PCDHAC2: variants seen among roughly 807,000 people sequenced by gnomAD.
PCDHAC2 encodes the protein protocadherin alpha-C2.
In PCDHAC2, 24 loss-of-function variants were observed where a neutral mutation model predicts 63.3. The observed-to-expected ratio is 0.38, with a 90% CI of 0.27 to 0.53. The LOEUF is 0.53. Ranked by LOEUF, PCDHAC2 falls within the 20% of genes least tolerant of loss-of-function variation. PCDHAC2 has a pLI of 0.81. For synonymous variants in PCDHAC2, 569 were observed against 529.4 expected (o/e 1.07, Z -1.03); for missense variants, 1,181 against 1,275.2 (o/e 0.93, Z 1.12).
intron 1 of PCDHAC2, among the ~76,000 whole-genome samples, chr5:140,975,553 G>A (rs990389718): frequency 6.6e-6 from 1 of 152,226 alleles, no homozygotes; most frequent in Non-Finnish European, 1.5e-5. Flanking sequence ...TATTAGGAAG[G>A]AAAAGGAGAT....
In PCDHAC2 at chr5:140,967,628, T is replaced by C. The variant is rs1341456967; in HGVS notation, c.862T>C (p.Ser288Pro). Reference sequence around the variant, plus strand: ...GAATGCCTCAGACCCGGATGAGGGCTCCAATGGTGAGCTCAGGTACTCCTT... The same window carrying C: ...GAATGCCTCAGACCCGGATGAGGGCCCCAATGGTGAGCTCAGGTACTCCTT... ...KLNASDPDEG[S>P]NGELRYSLSS... is the part of the protein sequence containing the mutation. Residue 288 changes from serine (S) to proline (P), a missense_variant, in exon 1 of 4, where the codon TCC becomes CCC. Around this residue, in one of 3 missense-constraint regions of PCDHAC2, gnomAD observed 968 missense variants for 1,073.5 expected, o/e 0.90. Coordinates refer to ENST00000289269, the MANE Select transcript of PCDHAC2 (RefSeq NM_018899.6). 1.9e-6 allele frequency: 3 copies of C among 1,613,984 alleles called. No homozygotes were observed. Among genetic ancestry groups the C allele is most frequent in the Non-Finnish European group, 2.5e-6 (3 of 1,180,024 alleles).
chr5:140,998,321 G>A lies in PCDHAC2; in HGVS notation c.2714-11306G>A, dbSNP rs79793895. On this transcript the variant is annotated intron_variant, in intron 3 of 3. Coordinates refer to ENST00000289269, the MANE Select transcript of PCDHAC2 (RefSeq NM_018899.6). ...TTTAGTAAGGGCACCAGGATCTGAA[G>A]CAGGATTGTTTGACTTCTGAGTCTG... is the stretch of plus-strand genomic sequence containing the variant. 9.8e-3 allele frequency among the ~76,000 whole-genome samples: 1,493 copies of A among 152,278 alleles called. 32 individuals carry two copies. The highest frequency in any genetic ancestry group is 0.034 in the African/African-American group (1,408 of 41,548).
intron 3 of PCDHAC2, among the ~76,000 whole-genome samples, chr5:141,009,295 A>AT (rs1258767808): frequency 6.6e-6 from 1 of 152,030 alleles, no homozygotes; most frequent in African/African-American, 2.4e-5. Flanking sequence ...TTTCTATAAA[A>AT]TTTTTTTTAA....
chr5:140,991,642 A>T (rs2097463636), intron 3 of PCDHAC2, among the ~76,000 whole-genome samples: 2 of 152,160 alleles, frequency 1.3e-5, no homozygotes, highest in South Asian at 4.1e-4. Flanking sequence ...CAATCTGTTC[A>T]TGACAATTTA....
intron 3 of PCDHAC2, among the ~76,000 whole-genome samples, chr5:141,007,858 G>A (rs376865557): frequency 6.6e-6 from 1 of 152,116 alleles, no homozygotes; most frequent in African/African-American, 2.4e-5. Context: ...GTCCTTAAAG[G>A]TCTTTTCCTT....
At position 141,010,091 on chromosome 5, in the gene PCDHAC2, A is replaced by G; in HGVS notation, c.*154A>G. The G allele has an allele frequency of 6.2e-7, 1 of 1,612,860 alleles. No individual in the cohort carries two copies. The highest frequency in any genetic ancestry group is 8.5e-7 in the Non-Finnish European group (1 of 1,179,382). ...AGTTCCCTGTGTCTGTCTAGAACGCATTTAACAGGTTTTGTCGTAAAAGCT... is the reference window on the plus strand; with the variant it reads ...AGTTCCCTGTGTCTGTCTAGAACGCGTTTAACAGGTTTTGTCGTAAAAGCT... On this transcript the variant is annotated 3_prime_UTR_variant, in exon 4 of 4. Coordinates refer to ENST00000289269, the MANE Select transcript of PCDHAC2 (RefSeq NM_018899.6).
At chr5:140,990,155 G>GT (rs1274867030) in intron 3 of PCDHAC2, among the ~76,000 whole-genome samples, 4 of 152,076 alleles carry the variant, frequency 2.6e-5, no homozygotes, top group African/African-American at 9.7e-5. Context: ...ATAATAGAAA[G>GT]TTAGGGTATG....
Position 140,967,109 on chromosome 5 carries a change from C to T in PCDHAC2, c.343C>T (p.Pro115Ser). 6.2e-7 allele frequency: 1 copy of T among 1,612,966 alleles called. No individual in the cohort carries two copies. The highest frequency in any genetic ancestry group is 8.5e-7 in the Non-Finnish European group (1 of 1,179,508). The change falls in exon 1 of 4, where the codon CCT becomes TCT. Residue 115 changes from proline (P) to serine (S), a missense_variant. Physicochemically the swap from Pro to Ser is moderately conservative, Grantham distance 74 (BLOSUM62 -1). Transcript: ENST00000289269. ...IDREALCEQR[P>S]RCLLSLEVLA... ...TCGGGAGGCGCTGTGTGAGCAGCGG[C>T]CTCGCTGCCTGCTCAGCTTGGAAGT...
rs1554228895 is a variant in PCDHAC2 at position 140,966,924 on chromosome 5, C to T, written c.158C>T (p.Ala53Val). 2 of 1,602,624 alleles carry T rather than the reference C, an allele frequency of 1.2e-6. No homozygotes were observed. The highest frequency in any genetic ancestry group is 1.7e-5 in the Admixed American group (1 of 59,562). ...CGATACTCTGTGCCAGAGGAGCAGGCACCCGGCGCGCTCGTGGGCAACGTG... is the reference window on the plus strand; with the variant it reads ...CGATACTCTGTGCCAGAGGAGCAGGTACCCGGCGCGCTCGTGGGCAACGTG... ...QLRYSVPEEQ[A>V]PGALVGNVAR... The change falls in exon 1 of 4, where the codon GCA (alanine) becomes GTA (valine). Residue 53 changes from alanine (A) to valine (V), a missense_variant. By Grantham distance (64) the Ala-to-Val change is moderately conservative. This residue lies in a region of PCDHAC2 where 210 missense variants were observed against 184.9 expected (regional missense o/e 1.14). Coordinates refer to ENST00000289269, the MANE Select transcript of PCDHAC2 (RefSeq NM_018899.6).
At chr5:141,000,381 CTCTCTCTCTCTCTCTA>C (rs1443323474) in intron 3 of PCDHAC2, among the ~76,000 whole-genome samples, 1 of 61,380 alleles carries the variant, frequency 1.6e-5, no homozygotes, top group African/African-American at 7.4e-5. Flanking sequence ...CTCTCTCTCT[CTCTCTCTCTCTCTCTA>C]TATATATATA....
intron 3 of PCDHAC2, among the ~76,000 whole-genome samples, chr5:140,993,629 T>G (rs1359195159): frequency 5.9e-5 from 9 of 152,160 alleles, no homozygotes; most frequent in Non-Finnish European, 1.0e-4. Flanking sequence ...CTATATATAG[T>G]CGTGTACCAA....
chr5:140,979,175 AAT>A, intron 2 of PCDHAC2, 168 bp downstream of exon 2: 3 of 951,630 alleles, frequency 3.2e-6, no homozygotes, highest in Non-Finnish European at 3.8e-6. Flanking sequence ...AAAGATCGCA[AAT>A]GGTCAGTGCC....
chr5:140,969,325 A>G lies in PCDHAC2; in HGVS notation c.2559A>G (p.Gln853=), dbSNP rs1490022353. Reference sequence around the variant, plus strand: ...TTCTCAAAAATGAGGCTGTTTCTCAAAATGAGGTGAGACAGTGGTCAGGGG... The same window carrying G: ...TTCTCAAAAATGAGGCTGTTTCTCAGAATGAGGTGAGACAGTGGTCAGGGG... ...LIILKNEAVS[Q]NEPRQPNPDW... The change falls in exon 1 of 4, where the codon CAA becomes CAG. Residue 853 remains glutamine, a synonymous_variant. Transcript: ENST00000289269. 1 of 1,614,000 alleles carries G rather than the reference A, an allele frequency of 6.2e-7. No homozygotes were observed. Among genetic ancestry groups the G allele is most frequent in the Non-Finnish European group, 8.5e-7 (1 of 1,180,012 alleles).
At chr5:140,972,660 A>T (rs868975656) in intron 1 of PCDHAC2, among the ~76,000 whole-genome samples, 47 of 117,276 alleles carry the variant, frequency 4.0e-4, no homozygotes, top group Non-Finnish European at 6.8e-4. Flanking sequence ...AAGAAACCAA[A>T]TTTTTTTTTT....
In PCDHAC2 at chr5:141,010,806, C is replaced by T. The variant is rs1404036886; in HGVS notation, c.*869C>T. ...GCAAAAGCAAAAGAAAACCCCGACA[C>T]CTCACCTTTCGCTGTTTGTTGTTTC... On this transcript the variant is annotated 3_prime_UTR_variant, in exon 4 of 4. Transcript: ENST00000289269. 2 of 153,736 alleles carry T rather than the reference C, an allele frequency of 1.3e-5. No individual in the cohort carries two copies. Among genetic ancestry groups the T allele is most frequent in the Non-Finnish European group, 1.5e-5 (1 of 68,048 alleles). 9.5% of individuals were successfully genotyped at this position (153,736 alleles called of 1,614,324 possible).
rs1195696269 is a variant in PCDHAC2, at chr5:141,010,821, TTTG to T, written c.*890_*892del. ...AACCCCGACACCTCACCTTTCGCTG[TTTG>T]TTGTTTCATAGATTTATTTAAAAAA... is the stretch of plus-strand genomic sequence containing the variant. On this transcript the variant is annotated 3_prime_UTR_variant, in exon 4 of 4. Coordinates refer to ENST00000289269, the MANE Select transcript of PCDHAC2 (RefSeq NM_018899.6). 3 of 153,772 alleles carry T rather than the reference TTTG, an allele frequency of 2.0e-5. No individual in the cohort carries two copies. The highest frequency in any genetic ancestry group is 4.4e-5 in the Non-Finnish European group (3 of 68,048). 9.5% of individuals were successfully genotyped at this position (153,772 alleles called of 1,614,324 possible).
intron 2 of PCDHAC2, among the ~76,000 whole-genome samples, chr5:140,980,549 G>A (rs1382828581): frequency 1.3e-5 from 2 of 152,162 alleles, no homozygotes; most frequent in Non-Finnish European, 2.9e-5. Context: ...AGAATCGCTT[G>A]AACCCGGGAG....
chr5:140,985,895 A>G (rs782549334), intron 3 of PCDHAC2, among the ~76,000 whole-genome samples: 16 of 150,016 alleles, frequency 1.1e-4, no homozygotes, highest in Non-Finnish European at 1.5e-4. Flanking sequence ...GCCCGCCACC[A>G]CTCCCGTCTA....
At chr5:140,993,337 G>A (rs2097550534) in intron 3 of PCDHAC2, among the ~76,000 whole-genome samples, 1 of 151,924 alleles carries the variant, frequency 6.6e-6, no homozygotes, top group African/African-American at 2.4e-5. Context: ...GTGATTTGAA[G>A]GGCACTACGA....
Sources: gnomAD v4.1 joint callset for allele counts (sites outside exome capture counted in the v4.1 genomes callset) on GRCh38, gnomAD v4.1.1 for gene constraint, gnomAD v4.1.1 regional missense constraint, MANE v1.5 for transcripts, NCBI Gene and HGNC (gene_info 2026-07-23, HGNC 2026-07-21) for gene names.